PLEKHG7: variants seen among roughly 807,000 people sequenced by gnomAD.
The protein encoded by PLEKHG7 is pleckstrin homology domain-containing family G member 7.
Under a neutral mutation model 85.2 loss-of-function variants are expected in PLEKHG7, and 77 were observed. The observed-to-expected ratio is 0.90, with a 90% confidence interval of 0.75 to 1.09. The LOEUF is 1.09. PLEKHG7 is among the 50% of genes least tolerant of loss of function. The pLI is 0.00. For missense variants in PLEKHG7, 777 were observed against 804.3 expected (o/e 0.97, Z 0.41); for synonymous variants, 301 against 302.4 (o/e 1.00, Z 0.05).
chr12:92,737,183 G>A (rs866847281), intron 6 of PLEKHG7, among the ~76,000 whole-genome samples, 195 bp from the exon 7 acceptor site: 3 of 152,116 alleles, frequency 2.0e-5, no homozygotes, highest in Non-Finnish European at 4.4e-5. Flanking sequence ...TTGGCATCCC[G>A]GAGCCCCACA....
At chr12:92,720,381 A>T (rs1314538806) in intron 3 of PLEKHG7, among the ~76,000 whole-genome samples, 2 of 149,424 alleles carry the variant, frequency 1.3e-5, no homozygotes, top group Non-Finnish European at 3.0e-5. Flanking sequence ...GCTGGAGTGT[A>T]GTGGCGTAAT....
intron 15 of PLEKHG7, among the ~76,000 whole-genome samples, chr12:92,767,399 AT>A (rs1388326256): frequency 6.6e-6 from 1 of 152,216 alleles, no homozygotes; most frequent in Non-Finnish European, 1.5e-5. Flanking sequence ...AGGAAAATGA[AT>A]TCCAAAAACC....
intron 1 of PLEKHG7, among the ~76,000 whole-genome samples, chr12:92,704,599 T>C (rs1199144201): frequency 6.6e-6 from 1 of 152,236 alleles, no homozygotes; most frequent in Non-Finnish European, 1.5e-5. Context: ...AATTGAGTCC[T>C]CAGCTCAAAA....
Position 92,771,949 on chromosome 12 carries a change from A to G in PLEKHG7, c.*1754A>G, listed in dbSNP as rs1050567199. ...AACTGGAATTCTATAAAGCTCACAA[A>G]GTAACATGTCTAATATACAATATAT... On this transcript the variant is annotated 3_prime_UTR_variant, in exon 17 of 17. Transcript: ENST00000344636. The G allele has an allele frequency of 6.6e-6, 1 of 152,066 alleles. No individual in the cohort carries two copies. The allele number at this position is 152,066 out of a possible 1,614,324, so 9.4% of individuals were successfully genotyped here. A position where few individuals can be genotyped will look rare whatever the true frequency, so the allele number is the denominator to read the frequency against.
intron 3 of PLEKHG7, among the ~76,000 whole-genome samples, chr12:92,722,706 C>A (rs1442331967): frequency 6.6e-6 from 1 of 152,170 alleles, no homozygotes; most frequent in Non-Finnish European, 1.5e-5. Context: ...GGAGGGTGAG[C>A]ACTCAAACTG....
chr12:92,734,131 G>A (rs1285259299), intron 5 of PLEKHG7, among the ~76,000 whole-genome samples: 3 of 152,124 alleles, frequency 2.0e-5, no homozygotes, highest in East Asian at 1.9e-4. Flanking sequence ...TAAAATTAAC[G>A]TCTTCTTCTT....
intron 3 of PLEKHG7, among the ~76,000 whole-genome samples, chr12:92,725,371 G>A (rs1384572912): frequency 6.6e-6 from 1 of 152,132 alleles, no homozygotes; most frequent in Non-Finnish European, 1.5e-5. Context: ...AATCCTCTGA[G>A]GTGTCTTAAG....
intron 1 of PLEKHG7, among the ~76,000 whole-genome samples, chr12:92,706,120 G>A (rs917630528): frequency 1.3e-5 from 2 of 152,194 alleles, no homozygotes; most frequent in Non-Finnish European, 2.9e-5. Context: ...AAATGTAGAT[G>A]ATAAGGAGGA....
chr12:92,731,417 AATT>A (rs1871989384), intron 4 of PLEKHG7, among the ~76,000 whole-genome samples: 1 of 152,200 alleles, frequency 6.6e-6, no homozygotes, highest in African/African-American at 2.4e-5. Flanking sequence ...CCTTTGATTG[AATT>A]ATTATGCACA....
At position 92,706,975 on chromosome 12, in the gene PLEKHG7, C is replaced by T; in HGVS notation, c.344C>T (p.Ala115Val). The T allele has an allele frequency of 6.2e-7, 1 of 1,614,192 alleles. No homozygotes were observed. The highest frequency in any genetic ancestry group is 2.2e-5 in the East Asian group (1 of 44,876). ...HSRLTSEPER[A>V]LNAADSLEPQ... is the part of the protein sequence containing the mutation. ...AGATTGACCTCTGAACCTGAAAGGGCCCTGAATGCAGCTGACTCACTGGAG... is the reference window on the plus strand; with the variant it reads ...AGATTGACCTCTGAACCTGAAAGGGTCCTGAATGCAGCTGACTCACTGGAG... Residue 115 changes from alanine to valine, a missense_variant, in exon 2 of 17, where the codon GCC (alanine) becomes GTC (valine). By Grantham distance (64) the Ala-to-Val change is moderately conservative. Coordinates refer to ENST00000344636, the MANE Select transcript of PLEKHG7 (RefSeq NM_001377329.1).
chr12:92,767,122 G>C (rs1156655813), intron 15 of PLEKHG7, among the ~76,000 whole-genome samples: 1 of 152,176 alleles, frequency 6.6e-6, no homozygotes, highest in Non-Finnish European at 1.5e-5. Context: ...GGAATTAGCT[G>C]ACCTATCTCA....
intron 11 of PLEKHG7, among the ~76,000 whole-genome samples, chr12:92,755,203 A>T (rs1872794514): frequency 6.6e-6 from 1 of 152,182 alleles, no homozygotes; most frequent in East Asian, 1.9e-4. Flanking sequence ...TTGAGGGAAG[A>T]GATTTGTGTG....
At chr12:92,718,193 C>T (rs764817680) in intron 3 of PLEKHG7, among the ~76,000 whole-genome samples, 77 of 152,272 alleles carry the variant, frequency 5.1e-4, no homozygotes, top group Non-Finnish European at 7.4e-5. Context: ...GCTTGTTGGA[C>T]AGGATTCAGA....
Position 92,771,696 on chromosome 12 carries a change from T to G in PLEKHG7, c.*1501T>G, listed in dbSNP as rs1873437498. 6.6e-6 allele frequency: 1 copy of G among 151,878 alleles called. No individual in the cohort carries two copies. Among genetic ancestry groups the G allele is most frequent in the Admixed American group, 6.6e-5 (1 of 15,220 alleles). 9.4% of individuals were successfully genotyped at this position (151,878 alleles called of 1,614,324 possible). A position where few individuals can be genotyped will look rare whatever the true frequency, so the allele number is the denominator to read the frequency against. On this transcript the variant is annotated 3_prime_UTR_variant, in exon 17 of 17. Coordinates refer to ENST00000344636, the MANE Select transcript of PLEKHG7 (RefSeq NM_001377329.1). ...TAAAGAAATTTCTGGTTAAAAAAAA[T>G]TTTTACATTAACAATCATCTTGCAA...
At chr12:92,761,607 AAAAGAAAGAAAGAAAG>A (rs1346207267) in intron 13 of PLEKHG7, 129 bp from the exon 14 acceptor site, 1 of 1,022,290 alleles carries the variant, frequency 9.8e-7, no homozygotes, top group African/African-American at 1.8e-5. Context: ...GAAAGAAAGA[AAAAGAAAGAAAGAAAG>A]AAGAAAGAAA....
intron 7 of PLEKHG7, among the ~76,000 whole-genome samples, chr12:92,740,248 G>C (rs1872310768): frequency 6.6e-6 from 1 of 152,114 alleles, no homozygotes; most frequent in African/African-American, 2.4e-5. Context: ...TGAAGGGCAG[G>C]CTATCTGTAA....
At position 92,769,088 on chromosome 12, in the gene PLEKHG7, T is replaced by C; in HGVS notation, c.1968+8T>C. Reference sequence around the variant, plus strand: ...CAAACGGAAAACATCAAAGTATGTATTTTAATTTTGTAGGTCTTTGATTCT... The same window carrying C: ...CAAACGGAAAACATCAAAGTATGTACTTTAATTTTGTAGGTCTTTGATTCT... On this transcript the variant is annotated splice_region_variant and intron_variant, in intron 16 of 16. Coordinates refer to ENST00000344636, the MANE Select transcript of PLEKHG7 (RefSeq NM_001377329.1). 6.5e-7 allele frequency: 1 copy of C among 1,545,880 alleles called. No individual in the cohort carries two copies. The highest frequency in any genetic ancestry group is 8.9e-7 in the Non-Finnish European group (1 of 1,122,644).
At chr12:92,752,149 G>T (rs1471224742) in intron 10 of PLEKHG7, among the ~76,000 whole-genome samples, 1 of 152,088 alleles carries the variant, frequency 6.6e-6, no homozygotes, top group African/African-American at 2.4e-5. Flanking sequence ...GAGATAAAAG[G>T]GGAGGGTTTG....
chr12:92,751,465 A>G (rs978605951), intron 10 of PLEKHG7, among the ~76,000 whole-genome samples: 1 of 151,976 alleles, frequency 6.6e-6, no homozygotes, highest in African/African-American at 2.4e-5. Context: ...TACCGGGTTC[A>G]GGCAATTCTC....
Sources: allele counts gnomAD v4.1 joint callset (sites outside exome capture counted in the v4.1 genomes callset), GRCh38; gene constraint gnomAD v4.1.1; transcripts MANE v1.5; gene names NCBI Gene and HGNC (gene_info 2026-07-23, HGNC 2026-07-21).